The following TMEM237 variants were observed in gnomAD, a reference collection of about 807,000 sequenced individuals.
TMEM237 encodes transmembrane protein 237.
In TMEM237, 51 loss-of-function variants were observed where a neutral mutation model predicts 59.1. The ratio of observed to expected loss-of-function variants is 0.86; its 90% CI spans 0.69 to 1.09. The LOEUF (loss-of-function observed/expected upper bound fraction) is 1.09. Among genes scored for constraint, TMEM237 ranks in the 50% least tolerant of loss-of-function variants. The probability of loss-of-function intolerance (pLI) is 0.00; values close to 1 mark genes in which losing one functional copy is unlikely to be tolerated. For synonymous variants in TMEM237, 140 were observed against 166.1 expected, an observed-to-expected ratio of 0.84 and a Z score of 1.21; for missense variants, 475 against 478.3, an observed-to-expected ratio of 0.99 and a Z score of 0.06.
chr2:201,638,294 C>A (rs986231473), intron 4 of TMEM237, among the ~76,000 whole-genome samples: 6 of 152,000 alleles, frequency 3.9e-5, no homozygotes, highest in African/African-American at 7.3e-5. Context: ...CCACAGAAAC[C>A]TTTTAGGAGT....
intron 10 of TMEM237, 96 bp downstream of exon 10, chr2:201,627,980 G>C: frequency 2.5e-6 from 2 of 796,742 alleles, no homozygotes; most frequent in South Asian, 4.2e-5. Flanking sequence ...ATAAGGAGCA[G>C]TAATACAACT....
chr2:201,636,905 A>C lies in TMEM237; in HGVS notation c.137-20T>G, dbSNP rs754228125. On this transcript the variant is annotated intron_variant, in intron 4 of 12. Coordinates refer to ENST00000409883, the MANE Select transcript of TMEM237 (RefSeq NM_001044385.3). ...CACTTGCTATAGAAAAACAGAGTAG[A>C]AAAAAATGAGATTACTTGAGCAAAG... The C allele has an allele frequency of 1.9e-6, 3 of 1,580,084 alleles. No individual in the cohort carries two copies. In the South Asian group the frequency reaches 3.5e-5, roughly 18 times the overall value.
At chr2:201,629,469 A>T in intron 8 of TMEM237, 48 bp from the exon 9 acceptor site, 1 of 1,446,300 alleles carries the variant, frequency 6.9e-7, no homozygotes, top group Non-Finnish European at 9.1e-7. Context: ...CTAAAGTAAA[A>T]AGCTAAAACA....
chr2:201,636,792 T>C lies in TMEM237; in HGVS notation c.230A>G (p.Glu77Gly). Residue 77 changes from glutamate to glycine, a missense_variant, in exon 5 of 13, where the codon GAG (glutamate) becomes GGG (glycine). Physicochemically the swap from Glu to Gly is moderately conservative, Grantham distance 98. Coordinates refer to ENST00000409883, the MANE Select transcript of TMEM237 (RefSeq NM_001044385.3). Reference protein sequence around the residue: ...PSTKELKEHPEAPVQRRQKKT... With the variant: ...PSTKELKEHPGAPVQRRQKKT... ...TTTCTGTCTTCTTTGAACAGGAGCCTCTGGGTGCTCTTTGAGTTCTTTAGT... is the reference window on the plus strand; with the variant it reads ...TTTCTGTCTTCTTTGAACAGGAGCCCCTGGGTGCTCTTTGAGTTCTTTAGT... 15 of 1,590,934 alleles carry C rather than the reference T, an allele frequency of 9.4e-6. No homozygotes were observed. Among genetic ancestry groups the C allele is most frequent in the Non-Finnish European group, 1.3e-5 (15 of 1,167,924 alleles).
intron 6 of TMEM237, 38 bp from the exon 7 acceptor site, chr2:201,632,246 T>C (rs770971853): frequency 1.5e-5 from 24 of 1,607,046 alleles, no homozygotes; most frequent in African/African-American, 2.7e-5. Context: ...TAGATGATTA[T>C]TGAATTTTTT....
intron 5 of TMEM237, among the ~76,000 whole-genome samples, chr2:201,634,576 T>C (rs1219720552): frequency 6.6e-6 from 1 of 152,244 alleles, no homozygotes; most frequent in Non-Finnish European, 1.5e-5. Flanking sequence ...ATTATAAAAC[T>C]AGGTATTGGT....
intron 11 of TMEM237, among the ~76,000 whole-genome samples, chr2:201,626,504 T>A: frequency 8.0e-6 from 1 of 124,760 alleles, no homozygotes. Flanking sequence ...CAAAAAAGAC[T>A]ACTTTTGGAT....
intron 4 of TMEM237, 45 bp from the exon 5 acceptor site, chr2:201,636,930 G>C (rs1309327738): frequency 1.9e-6 from 3 of 1,550,372 alleles, no homozygotes; most frequent in Admixed American, 2.0e-5. Flanking sequence ...CTTGAGCAAA[G>C]ATCACTGAAT....
chr2:201,636,034 T>C (rs1687291867), intron 5 of TMEM237: 1 of 152,244 alleles, frequency 6.6e-6, no homozygotes, highest in African/African-American at 2.4e-5. Flanking sequence ...CTGATGATTA[T>C]CTGTGTCACC....
At position 201,643,270 on chromosome 2, in the gene TMEM237, T is replaced by TGGCG; in HGVS notation, c.42+85_42+88dup. ...CCTCCCTTAGTGATTCCCAGCTCGT[T>TGGCG]GGCGCCCCCCCACACACACCCACCC... On this transcript the variant is annotated intron_variant, in intron 1 of 12. Coordinates refer to ENST00000409883, the MANE Select transcript of TMEM237 (RefSeq NM_001044385.3). This position sits in a 1 kb window ranked among gnomAD's most constrained non-coding sequence, Gnocchi z 4.3. 8.1e-7 allele frequency: 1 copy of TGGCG among 1,240,724 alleles called. No individual in the cohort carries two copies. Among genetic ancestry groups the TGGCG allele is most frequent in the Non-Finnish European group, 1.1e-6 (1 of 875,060 alleles). The allele number at this position is 1,240,724 out of a possible 1,614,324, so 76.9% of individuals were successfully genotyped here. A position where few individuals can be genotyped will look rare whatever the true frequency, so the allele number is the denominator to read the frequency against.
Position 201,635,947 on chromosome 2 carries a change from T to C in TMEM237, c.274+801A>G, listed in dbSNP as rs1687291086. 1.3e-5 allele frequency among the ~76,000 whole-genome samples: 2 copies of C among 152,228 alleles called. No individual in the cohort carries two copies. The highest frequency in any genetic ancestry group is 2.1e-4 in the South Asian group (1 of 4,832). ...TTATGGCAACCCTAAGAAATTAACA[T>C]AGTATATTTTACAAAAATGGGATCC... On this transcript the variant is annotated intron_variant, in intron 5 of 12. Transcript: ENST00000409883. This position sits in a 1 kb window ranked among gnomAD's most constrained non-coding sequence, Gnocchi z 4.5.
At chr2:201,632,271 G>A (rs893001899) in intron 6 of TMEM237, 63 bp from the exon 7 acceptor site, 164 of 1,562,352 alleles carry the variant, frequency 1.0e-4, no homozygotes, top group Admixed American at 1.9e-4. Context: ...ACTTACATAA[G>A]GAACTAGCTA....
In TMEM237 at chr2:201,641,095, A is replaced by T. The variant is rs1377442053; in HGVS notation, c.43-171T>A. Among the ~76,000 whole-genome samples the T allele has an allele frequency of 2.6e-5, 4 of 151,952 alleles. No individual in the cohort carries two copies. In the East Asian group the frequency reaches 7.7e-4, roughly 29 times the overall value. On this transcript the variant is annotated intron_variant, in intron 1 of 12. Transcript: ENST00000409883. ...CAGCTTCCATCTCCTGGGTTCAAGC[A>T]ATTCCCCTGCCTCAGCCTCCCAAGT...
chr2:201,642,090 G>T (rs552344096), intron 1 of TMEM237, among the ~76,000 whole-genome samples: 3 of 152,194 alleles, frequency 2.0e-5, no homozygotes, highest in South Asian at 4.1e-4. Context: ...AAAGAAAGGT[G>T]GGGGGAACCC....
intron 11 of TMEM237, 153 bp from the exon 12 acceptor site, chr2:201,626,300 T>C: frequency 1.3e-6 from 1 of 765,552 alleles, no homozygotes; most frequent in East Asian, 2.8e-5. Flanking sequence ...CTGTAAAATA[T>C]ACCACATATA....
At position 201,622,386 on chromosome 2, in the gene TMEM237, A is replaced by C. The variant is rs1394245768; in HGVS notation, c.*1869T>G. 1 of 152,308 alleles carries C rather than the reference A, an allele frequency of 6.6e-6. No homozygotes were observed. Among genetic ancestry groups the C allele is most frequent in the Non-Finnish European group, 1.5e-5 (1 of 68,090 alleles). 9.4% of individuals were successfully genotyped at this position (152,308 alleles called of 1,614,324 possible). ...GCACCAGGCCAAAACCAAGGTATCCACAGAGCTGCCTTCCTTTCTTGGCTC... is the reference window on the plus strand; with the variant it reads ...GCACCAGGCCAAAACCAAGGTATCCCCAGAGCTGCCTTCCTTTCTTGGCTC... On this transcript the variant is annotated 3_prime_UTR_variant, in exon 13 of 13. Coordinates refer to ENST00000409883, the MANE Select transcript of TMEM237 (RefSeq NM_001044385.3).
intron 1 of TMEM237, chr2:201,642,655 C>T (rs748672653): frequency 1.2e-6 from 2 of 1,607,872 alleles, no homozygotes; most frequent in East Asian, 2.3e-5. Flanking sequence ...CGGCGGCCGC[C>T]GGCCCCCAAG....
chr2:201,627,288 T>C (rs947928996), intron 11 of TMEM237, 33 bp downstream of exon 11: 8 of 1,489,832 alleles, frequency 5.4e-6, no homozygotes, highest in Admixed American at 3.7e-5. Flanking sequence ...GTTATTGCCA[T>C]TAACAATTGC....
chr2:201,642,075 G>A (rs1687436219), intron 1 of TMEM237, among the ~76,000 whole-genome samples: 1 of 152,082 alleles, frequency 6.6e-6, no homozygotes, highest in African/African-American at 2.4e-5. Flanking sequence ...TGCGTTTTAG[G>A]GCAGAAAGAA....
Sources: gnomAD v4.1 joint callset for allele counts (sites outside exome capture counted in the v4.1 genomes callset) on GRCh38, gnomAD v4.1.1 for gene constraint, Gnocchi (gnomAD v3.1) non-coding constraint, MANE v1.5 for transcripts, NCBI Gene and HGNC (gene_info 2026-07-23, HGNC 2026-07-21) for gene names.